The following TULP4 variants were observed in gnomAD, a reference collection of about 807,000 sequenced individuals.
TULP4 encodes TUB like protein 4, also known as tubby-related protein 4.
In TULP4, 16 loss-of-function variants were observed where a neutral mutation model predicts 129.0. The ratio of observed to expected loss-of-function variants is 0.12; its 90% CI spans 0.08 to 0.19. The LOEUF is 0.19. TULP4 is among the 10% of genes least tolerant of loss of function. TULP4 has a pLI of 1.00. For missense variants in TULP4, 1,842 were observed against 2,059.1 expected (o/e 0.89, Z 2.04); for synonymous variants, 998 against 854.0 (o/e 1.17, Z -2.94).
intron 4 of TULP4, among the ~76,000 whole-genome samples, chr6:158,451,376 C>T (rs1418788799): frequency 2.0e-5 from 3 of 152,228 alleles, no homozygotes; most frequent in Non-Finnish European, 4.4e-5. Flanking sequence ...CAGGTAGGCC[C>T]ACCTCGATGG....
At chr6:158,269,891 G>A (rs570492584) in intron 1 of TULP4, among the ~76,000 whole-genome samples, 71 of 152,356 alleles carry the variant, frequency 4.7e-4, no homozygotes, top group Non-Finnish European at 9.3e-4. Context: ...CTGCTGAGCT[G>A]CTGTCACTGT....
intron 8 of TULP4, among the ~76,000 whole-genome samples, chr6:158,485,273 G>A (rs1238228056): frequency 1.3e-5 from 2 of 152,020 alleles, no homozygotes; most frequent in African/African-American, 4.8e-5. Flanking sequence ...AAAGATGAAT[G>A]GAAGAAGGAA....
At chr6:158,285,520 C>T (rs1018723010) in intron 1 of TULP4, among the ~76,000 whole-genome samples, 3 of 152,194 alleles carry the variant, frequency 2.0e-5, no homozygotes, top group African/African-American at 4.8e-5. Context: ...GTTTGCCTTA[C>T]AGTACAGGCC....
rs74349824 is a variant in TULP4, at chr6:158,295,065, A to G, written n.116+12687A>G. On this transcript the variant is annotated intron_variant and non_coding_transcript_variant, in intron 1 of 1. Transcript: ENST00000432358. ...CAAACCTGTAGTCAAAAGCTGAAAC[A>G]TTAGGGTGTTTGCATATTTTATTGA... Among the ~76,000 whole-genome samples the G allele has an allele frequency of 1.6e-3, 238 of 152,250 alleles. 2 individuals carry two copies. Among genetic ancestry groups the G allele is most frequent in the African/African-American group, 5.1e-3 (213 of 41,536 alleles).
chr6:158,481,844 A>C (rs1366018571), intron 8 of TULP4, among the ~76,000 whole-genome samples: 1 of 152,100 alleles, frequency 6.6e-6, no homozygotes, highest in Non-Finnish European at 1.5e-5. Flanking sequence ...TTCATTGCTC[A>C]GTTAATGTAT....
At position 158,503,358 on chromosome 6, in the gene TULP4, C is replaced by T. The variant is rs773589706; in HGVS notation, c.3695C>T (p.Pro1232Leu). 7 of 1,613,794 alleles carry T rather than the reference C, an allele frequency of 4.3e-6. No individual in the cohort carries two copies. Among genetic ancestry groups the T allele is most frequent in the South Asian group, 1.1e-5 (1 of 91,062 alleles). ...GCTGTGGTCCTTCAGCCGCTGTACC[C>T]ACCCAGCCTCTCCTATTGCACCCTG... ...EPAVVLQPLY[P>L]PSLSYCTLPP... The change falls in exon 13 of 14, where the codon CCA becomes CTA. Residue 1232 changes from proline (P) to leucine (L), a missense_variant. Physicochemically the swap from Pro to Leu is moderately conservative, Grantham distance 98 (BLOSUM62 -3). Coordinates refer to ENST00000367097, the MANE Select transcript of TULP4 (RefSeq NM_020245.5). This position sits in a 1 kb window ranked among gnomAD's most constrained non-coding sequence, Gnocchi z 4.3.
At chr6:158,343,930 C>T (rs1382881009) in intron 1 of TULP4, among the ~76,000 whole-genome samples, 2 of 152,206 alleles carry the variant, frequency 1.3e-5, no homozygotes, top group Non-Finnish European at 2.9e-5. Context: ...CCCCTGTGAC[C>T]TGCACGTATA....
In TULP4 at chr6:158,449,213, A is replaced by G. The variant is rs1382635811; in HGVS notation, c.724+37A>G. 4 of 1,580,518 alleles carry G rather than the reference A, an allele frequency of 2.5e-6. No individual in the cohort carries two copies. In the Admixed American group the frequency reaches 6.8e-5, roughly 27 times the overall value. On this transcript the variant is annotated intron_variant, in intron 4 of 13. Coordinates refer to ENST00000367097, the MANE Select transcript of TULP4 (RefSeq NM_020245.5). ...CCCTACTTTCCTTGTCACTGACCAG[A>G]AGGACAAGGAAGGGCATCGGAGCAG...
chr6:158,249,598 A>G (rs906581705), intron 1 of TULP4, among the ~76,000 whole-genome samples: 4 of 152,248 alleles, frequency 2.6e-5, no homozygotes, highest in African/African-American at 7.2e-5. Context: ...ATGACATTCT[A>G]TTTGTGTTTG....
intron 1 of TULP4, among the ~76,000 whole-genome samples, chr6:158,285,801 C>T (rs2128468407): frequency 6.6e-6 from 1 of 152,268 alleles, no homozygotes; most frequent in East Asian, 1.9e-4. Context: ...CATCTGTTGG[C>T]CGAGGGTCAG....
intron 2 of TULP4, among the ~76,000 whole-genome samples, chr6:158,421,110 C>G (rs1778328535): frequency 6.6e-6 from 1 of 152,010 alleles, no homozygotes. Flanking sequence ...GCCTGTAATC[C>G]CAGCACTTTG....
chr6:158,483,796 G>T lies in TULP4; in HGVS notation c.1486+2507G>T, dbSNP rs369093628. Among the ~76,000 whole-genome samples, 7 of 152,212 alleles carry T rather than the reference G, an allele frequency of 4.6e-5. No individual in the cohort carries two copies. The East Asian group carries it at 7.7e-4, about 17-fold the overall frequency. On this transcript the variant is annotated intron_variant, in intron 8 of 13. Transcript: ENST00000367097. ...GCTGGGGTGGGGCCTACAAACATGC[G>T]ACTTAATGGGTTTCCCAGGTGGTTT...
At chr6:158,276,306 C>CTTT (rs59674153) in intron 1 of TULP4, among the ~76,000 whole-genome samples, 1 of 136,184 alleles carries the variant, frequency 7.3e-6, no homozygotes, top group Non-Finnish European at 1.6e-5. Flanking sequence ...CTTCTTCTTT[C>CTTT]TTTTTTTTTT....
chr6:158,240,046 C>T (rs1254281544), intron 1 of TULP4, among the ~76,000 whole-genome samples: 1 of 91,228 alleles, frequency 1.1e-5, no homozygotes, highest in Non-Finnish European at 2.6e-5. Context: ...GGGGGGCTGA[C>T]CCCCCCACCT....
intron 6 of TULP4, among the ~76,000 whole-genome samples, chr6:158,474,966 T>C (rs1188583262): frequency 6.6e-6 from 1 of 152,220 alleles, no homozygotes; most frequent in Non-Finnish European, 1.5e-5. Flanking sequence ...ATGTATTTGA[T>C]TCATTGTCAG....
At chr6:158,368,307 A>G (rs1776988962) in intron 1 of TULP4, among the ~76,000 whole-genome samples, 1 of 151,940 alleles carries the variant, frequency 6.6e-6, no homozygotes, top group African/African-American at 2.4e-5. Flanking sequence ...TTTTAACTTC[A>G]TTTATTTATT....
chr6:158,493,834 TC>T lies in TULP4; in HGVS notation c.1776+119del. 1 of 1,193,998 alleles carries T rather than the reference TC, an allele frequency of 8.4e-7. No individual in the cohort carries two copies. Among genetic ancestry groups the T allele is most frequent in the Non-Finnish European group, 1.1e-6 (1 of 888,218 alleles). 74.0% of individuals were successfully genotyped at this position (1,193,998 alleles called of 1,614,324 possible). A position where few individuals can be genotyped will look rare whatever the true frequency, so the allele number is the denominator to read the frequency against. On this transcript the variant is annotated intron_variant, in intron 10 of 13. Transcript: ENST00000367097. The surrounding 1 kb of genome is among the most constrained non-coding windows in gnomAD (Gnocchi z 4.4). ...GCCACCATGGGTCCCTGAGCTCTGC[TC>T]CACATCCTGCACACCACCTACTACC...
At chr6:158,414,240 C>T (rs535664189) in intron 2 of TULP4, among the ~76,000 whole-genome samples, 8 of 152,334 alleles carry the variant, frequency 5.3e-5, no homozygotes, top group African/African-American at 1.9e-4. Flanking sequence ...TACCAGTTTC[C>T]TTCAGGCTCC....
intron 12 of TULP4, 58 bp downstream of exon 12, chr6:158,498,870 G>C: frequency 2.5e-6 from 4 of 1,596,180 alleles, no homozygotes; most frequent in Non-Finnish European, 8.6e-7. Flanking sequence ...GATCATGCAA[G>C]GGGGACAGAG....
Sources: gnomAD v4.1 joint callset for allele counts (sites outside exome capture counted in the v4.1 genomes callset) on GRCh38, gnomAD v4.1.1 for gene constraint, Gnocchi (gnomAD v3.1) non-coding constraint, MANE v1.5 for transcripts, NCBI Gene and HGNC (gene_info 2026-07-23, HGNC 2026-07-21) for gene names.